The following PHACTR3 variants were observed in gnomAD, a reference collection of about 807,000 sequenced individuals.
The protein encoded by PHACTR3 is protein phosphatase 1, regulatory subunit 123.
In PHACTR3, 16 loss-of-function variants were observed where a neutral mutation model predicts 66.8. The ratio of observed to expected loss-of-function variants is 0.24; its 90% CI spans 0.16 to 0.36. PHACTR3 has a LOEUF of 0.36. Ranked by LOEUF, PHACTR3 falls within the 10% of genes least tolerant of loss-of-function variation. The probability of loss-of-function intolerance (pLI) is 1.00; values close to 1 mark genes in which losing one functional copy is unlikely to be tolerated. For missense variants in PHACTR3, 647 were observed against 719.9 expected (o/e 0.90, Z 1.16); for synonymous variants, 323 against 292.1 (o/e 1.11, Z -1.08).
intron 1 of PHACTR3, among the ~76,000 whole-genome samples, chr20:59,655,159 G>A (rs1215340643): frequency 6.6e-6 from 1 of 151,984 alleles, no homozygotes; most frequent in African/African-American, 2.4e-5. Flanking sequence ...GTTCTAAGTG[G>A]CATGAGTTCT....
At chr20:59,612,814 A>T (rs1284196307) in intron 1 of PHACTR3, among the ~76,000 whole-genome samples, 1 of 152,218 alleles carries the variant, frequency 6.6e-6, no homozygotes, top group African/African-American at 2.4e-5. Context: ...TAATTGGCTC[A>T]TGCTTCTGAG....
At chr20:59,703,744 GCAGT>G (rs1461549218) in intron 1 of PHACTR3, among the ~76,000 whole-genome samples, 1 of 152,008 alleles carries the variant, frequency 6.6e-6, no homozygotes, top group African/African-American at 2.4e-5. Flanking sequence ...GAAACTCTGA[GCAGT>G]CAGAGTTCTT....
chr20:59,840,291 C>A, intron 9 of PHACTR3, 78 bp from the exon 10 acceptor site: 1 of 1,540,838 alleles, frequency 6.5e-7, no homozygotes. Flanking sequence ...ATCTTGGGAA[C>A]ACTTCCCTGC....
At chr20:59,783,998 T>C (rs373870132) in intron 7 of PHACTR3, among the ~76,000 whole-genome samples, 2 of 152,336 alleles carry the variant, frequency 1.3e-5, no homozygotes, top group African/African-American at 4.8e-5. Flanking sequence ...GTGTGTCCTC[T>C]TGGCTGAGCT....
At chr20:59,835,494 C>T (rs2042500852) in intron 8 of PHACTR3, among the ~76,000 whole-genome samples, 3 of 152,162 alleles carry the variant, frequency 2.0e-5, no homozygotes. Flanking sequence ...GCAACATCCT[C>T]ACTGGGGCAA....
At chr20:59,773,559 G>A (rs939485352) in intron 6 of PHACTR3, 106 bp downstream of exon 6, 8 of 1,175,638 alleles carry the variant, frequency 6.8e-6, no homozygotes, top group African/African-American at 3.1e-5. Context: ...TGGGTGTCCC[G>A]TTCTACAGTC....
intron 7 of PHACTR3, among the ~76,000 whole-genome samples, chr20:59,776,071 G>A (rs1415716369): frequency 2.0e-5 from 3 of 152,222 alleles, no homozygotes; most frequent in Admixed American, 6.5e-5. Context: ...GTTTGGGGGT[G>A]CCCTTCCATA....
rs772032111 is a variant in PHACTR3, at chr20:59,836,423, C to T, written c.1329-82C>T. 17 of 1,370,060 alleles carry T rather than the reference C, an allele frequency of 1.2e-5. No homozygotes were observed. In the East Asian group the frequency reaches 3.8e-4, roughly 31 times the overall value. The allele number at this position is 1,370,060 out of a possible 1,614,324, so 84.9% of individuals were successfully genotyped here. ...AGGCGATCTATAGGGGTTTGCCAGC[C>T]ACCTCTCATCCTTGCAGACCCCAGG... On this transcript the variant is annotated intron_variant, in intron 8 of 12. Transcript: ENST00000371015.
At chr20:59,831,146 G>A (rs1292512444) in intron 8 of PHACTR3, among the ~76,000 whole-genome samples, 1 of 152,174 alleles carries the variant, frequency 6.6e-6, no homozygotes, top group Admixed American at 6.5e-5. Context: ...AAGTGCCTGT[G>A]GGGTCACCTG....
chr20:59,829,577 C>T lies in PHACTR3; in HGVS notation c.1329-6928C>T, dbSNP rs1025457892. 4.6e-5 allele frequency among the ~76,000 whole-genome samples: 7 copies of T among 152,214 alleles called. No individual in the cohort carries two copies. The highest frequency in any genetic ancestry group is 8.8e-5 in the Non-Finnish European group (6 of 68,036). Reference sequence around the variant, plus strand: ...TCAGATGTCTGAGGATGCATCAATGCGTCGTGTGAATGGTGTGTGGAGACG... The same window carrying T: ...TCAGATGTCTGAGGATGCATCAATGTGTCGTGTGAATGGTGTGTGGAGACG... On this transcript the variant is annotated intron_variant, in intron 8 of 12. Transcript: ENST00000371015. This position sits in a 1 kb window ranked among gnomAD's most constrained non-coding sequence, Gnocchi z 4.2.
chr20:59,604,752 C>G lies in PHACTR3; in HGVS notation c.-263C>G. ...ATATAGACTGAAGAATGGGAATAAA[C>G]ACGAATAAATAACAAAGCGAGGCCG... On this transcript the variant is annotated 5_prime_UTR_variant, in exon 1 of 13. Transcript: ENST00000371015. The G allele has an allele frequency of 8.9e-7, 1 of 1,128,566 alleles. No individual in the cohort carries two copies. The highest frequency in any genetic ancestry group is 1.6e-5 in the African/African-American group (1 of 61,762). The allele number at this position is 1,128,566 out of a possible 1,614,324, so 69.9% of individuals were successfully genotyped here. A position where few individuals can be genotyped will look rare whatever the true frequency, so the allele number is the denominator to read the frequency against.
Position 59,604,877 on chromosome 20 carries a change from C to CTTGTT in PHACTR3, c.-136_-135insGTTTT. 4 of 977,908 alleles carry CTTGTT rather than the reference C, an allele frequency of 4.1e-6. No homozygotes were observed. Among genetic ancestry groups the CTTGTT allele is most frequent in the Non-Finnish European group, 3.6e-6 (3 of 829,326 alleles). 60.6% of individuals were successfully genotyped at this position (977,908 alleles called of 1,614,324 possible). ...TCTCCAGCTCGTTTCCTTTCCCGGCCTTTTTTTTTTTTTTTTTTTTTTAAT... is the reference window on the plus strand; with the variant it reads ...TCTCCAGCTCGTTTCCTTTCCCGGCCTTGTTTTTTTTTTTTTTTTTTTTTTTTAAT... On this transcript the variant is annotated 5_prime_UTR_variant, in exon 1 of 13. Transcript: ENST00000371015.
At chr20:59,665,354 A>T (rs1210616030) in intron 1 of PHACTR3, among the ~76,000 whole-genome samples, 1 of 152,168 alleles carries the variant, frequency 6.6e-6, no homozygotes, top group African/African-American at 2.4e-5. Flanking sequence ...GGTCGTGCTG[A>T]CTTGTGATGC....
intron 1 of PHACTR3, among the ~76,000 whole-genome samples, chr20:59,665,075 T>C (rs990849129): frequency 2.6e-5 from 4 of 152,360 alleles, no homozygotes; most frequent in Middle Eastern, 3.4e-3. Flanking sequence ...GTAGTCTAAA[T>C]TGAAGTTTTA....
At chr20:59,811,645 CAA>C (rs1254851440) in intron 8 of PHACTR3, among the ~76,000 whole-genome samples, 1 of 143,920 alleles carries the variant, frequency 6.9e-6, no homozygotes, top group Non-Finnish European at 1.5e-5. Flanking sequence ...GGCAACAGGG[CAA>C]AGACAGGGGG....
At chr20:59,605,451 C>T (rs371218585) in intron 1 of PHACTR3, among the ~76,000 whole-genome samples, 3 of 152,240 alleles carry the variant, frequency 2.0e-5, no homozygotes, top group Admixed American at 2.0e-4. Flanking sequence ...GAGGCAGACC[C>T]GTGGCCGCCT....
intron 1 of PHACTR3, among the ~76,000 whole-genome samples, chr20:59,726,705 A>G (rs1463076528): frequency 6.6e-6 from 1 of 152,110 alleles, no homozygotes; most frequent in Non-Finnish European, 1.5e-5. Context: ...GCTAGATATA[A>G]TTTGCATTTT....
At chr20:59,730,230 G>C (rs2038714768) in intron 1 of PHACTR3, among the ~76,000 whole-genome samples, 1 of 152,180 alleles carries the variant, frequency 6.6e-6, no homozygotes, top group East Asian at 1.9e-4. Context: ...GGCCATGGTG[G>C]AAAAATAACA....
At position 59,661,043 on chromosome 20, in the gene PHACTR3, C is replaced by T. The variant is rs370946147; in HGVS notation, c.118+55911C>T. On this transcript the variant is annotated intron_variant, in intron 1 of 12. Transcript: ENST00000371015. Reference sequence around the variant, plus strand: ...TCTTCACACTGTGATTCTCATTTTCCTAATGTCTGTTTCAGAATTTTAAAG... The same window carrying T: ...TCTTCACACTGTGATTCTCATTTTCTTAATGTCTGTTTCAGAATTTTAAAG... Among the ~76,000 whole-genome samples, 44 of 152,298 alleles carry T rather than the reference C, an allele frequency of 2.9e-4. 1 individual carries two copies. In the South Asian group the frequency reaches 4.1e-3, roughly 14 times the overall value.
Sources: gnomAD v4.1 joint callset for allele counts (sites outside exome capture counted in the v4.1 genomes callset) on GRCh38, gnomAD v4.1.1 for gene constraint, Gnocchi (gnomAD v3.1) non-coding constraint, MANE v1.5 for transcripts, NCBI Gene and HGNC (gene_info 2026-07-23, HGNC 2026-07-21) for gene names.